TEX15: variants seen among roughly 807,000 people sequenced by gnomAD.
TEX15 encodes testis-expressed protein 15.
Under a neutral mutation model 237.3 loss-of-function variants are expected in TEX15, and 171 were observed. That is an observed-to-expected ratio of 0.72 (90% confidence interval 0.64 to 0.82). The LOEUF is 0.82. TEX15 is among the 40% of genes least tolerant of loss of function. TEX15 has a pLI of 0.00. For missense variants in TEX15, 3,750 were observed against 3,646.5 expected (o/e 1.03, Z -0.73); for synonymous variants, 1,338 against 1,269.8 (o/e 1.05, Z -1.14).
chr8:30,842,780 C>T lies in TEX15; in HGVS notation c.7387G>A (p.Ala2463Thr). The T allele has an allele frequency of 6.2e-7, 1 of 1,613,322 alleles. No homozygotes were observed. The highest frequency in any genetic ancestry group is 8.5e-7 in the Non-Finnish European group (1 of 1,179,618). ...ETIHFLKNSI[A>T]KKLDKQRFRG... ...AACCTCTGTTTGTCTAGTTTCTTTGCTATTGAGTTTTTAAGAAAGTGAATT... is the reference window on the plus strand; with the variant it reads ...AACCTCTGTTTGTCTAGTTTCTTTGTTATTGAGTTTTTAAGAAAGTGAATT... The change falls in exon 8 of 11, where the codon GCA (alanine) becomes ACA (threonine). Residue 2463 changes from alanine (A) to threonine (T), a missense_variant. Physicochemically the swap from Ala to Thr is moderately conservative, Grantham distance 58 (BLOSUM62 0). Coordinates refer to ENST00000643185, the MANE Select transcript of TEX15 (RefSeq NM_001350162.2).
chr8:30,844,539 C>A lies in TEX15; in HGVS notation c.5628G>T (p.Lys1876Asn). 1 of 1,612,334 alleles carries A rather than the reference C, an allele frequency of 6.2e-7. No homozygotes were observed. Among genetic ancestry groups the A allele is most frequent in the East Asian group, 2.2e-5 (1 of 44,846 alleles). Reference protein sequence around the residue: ...STVNTEYKNQKNQISEESCLN... With the variant: ...STVNTEYKNQNNQISEESCLN... ...AGCAGGATTCTTCTGAGATCTGATT[C>A]TTTTGATTTTTGTACTCAGTATTAA... is the stretch of plus-strand genomic sequence containing the variant. The change falls in exon 8 of 11, where the codon AAG (lysine) becomes AAT (asparagine). Residue 1876 changes from lysine to asparagine, a missense_variant. Physicochemically the swap from Lys to Asn is moderately conservative, Grantham distance 94. Coordinates refer to ENST00000643185, the MANE Select transcript of TEX15 (RefSeq NM_001350162.2).
chr8:30,884,870 G>C (rs993642798), intron 3 of TEX15, among the ~76,000 whole-genome samples: 3 of 151,532 alleles, frequency 2.0e-5, no homozygotes, highest in Non-Finnish European at 4.4e-5. Context: ...TGCTTATTTT[G>C]GATTTAATTT....
intron 8 of TEX15, among the ~76,000 whole-genome samples, chr8:30,840,169 A>G (rs1293519837): frequency 1.3e-5 from 2 of 152,094 alleles, no homozygotes; most frequent in Non-Finnish European, 2.9e-5. Context: ...TTTAAAAAAA[A>G]TAAATTTGTA....
chr8:30,863,663 A>G (rs1009213185), intron 5 of TEX15, among the ~76,000 whole-genome samples: 1 of 151,876 alleles, frequency 6.6e-6, no homozygotes, highest in Middle Eastern at 3.4e-3. Context: ...CCTATTTTGC[A>G]GCCAGACATA....
intron 5 of TEX15, among the ~76,000 whole-genome samples, chr8:30,861,566 T>C (rs1808051364): frequency 6.6e-6 from 1 of 152,278 alleles, no homozygotes; most frequent in East Asian, 1.9e-4. Flanking sequence ...ATAAAGTCTG[T>C]AATGTAGTTA....
rs762619352 is a variant in TEX15 at position 30,845,341 on chromosome 8, T to C, written c.4826A>G (p.Asn1609Ser). The change falls in exon 8 of 11, where the codon AAT (asparagine) becomes AGT (serine). Residue 1609 changes from asparagine (N) to serine (S), a missense_variant. Physicochemically the swap from Asn to Ser is conservative, Grantham distance 46. Coordinates refer to ENST00000643185, the MANE Select transcript of TEX15 (RefSeq NM_001350162.2). ...DATKENSCDA[N>S]EVINESNSVS... ...AGAATTACTTTCATTTATTACTTCA[T>C]TAGCGTCACAACTGTTTTCTTTAGT... 3 of 1,612,448 alleles carry C rather than the reference T, an allele frequency of 1.9e-6. No homozygotes were observed. The highest frequency in any genetic ancestry group is 2.5e-6 in the Non-Finnish European group (3 of 1,178,976).
At chr8:30,883,008 C>G (rs932255239) in intron 3 of TEX15, among the ~76,000 whole-genome samples, 11 of 151,984 alleles carry the variant, frequency 7.2e-5, no homozygotes, top group Non-Finnish European at 1.3e-4. Flanking sequence ...TGGGCTCAAA[C>G]AAATCTCCCA....
chr8:30,907,330 C>T (rs1011235031), intron 1 of TEX15, among the ~76,000 whole-genome samples: 6 of 151,820 alleles, frequency 4.0e-5, no homozygotes, highest in South Asian at 2.1e-4. Flanking sequence ...TCAAAATTTG[C>T]GTACAGTTTT....
Position 30,881,610 on chromosome 8 carries a change from C to CTTTTTTTTTTTTTTTTTTTT in TEX15, c.136+5556_136+5557insAAAAAAAAAAAAAAAAAAAA, listed in dbSNP as rs1164594718. On this transcript the variant is annotated intron_variant, in intron 3 of 10. Coordinates refer to ENST00000643185, the MANE Select transcript of TEX15 (RefSeq NM_001350162.2). ...TTCATTAATTATCCTTCCATCTTGACTTTTTATTTTTTTTTATTATTTTTT... is the reference window on the plus strand; with the variant it reads ...TTCATTAATTATCCTTCCATCTTGACTTTTTTTTTTTTTTTTTTTTTTTTTATTTTTTTTTATTATTTTTT... Among the ~76,000 whole-genome samples, 11 of 109,460 alleles carry CTTTTTTTTTTTTTTTTTTTT rather than the reference C, an allele frequency of 1.0e-4. 4 individuals are homozygous for CTTTTTTTTTTTTTTTTTTTT. The highest frequency in any genetic ancestry group is 4.5e-4 in the African/African-American group (7 of 15,420). 71.8% of individuals were successfully genotyped at this position (109,460 alleles called of 152,430 possible).
At chr8:30,850,745 T>G (rs1488657047) in intron 7 of TEX15, among the ~76,000 whole-genome samples, 1 of 152,160 alleles carries the variant, frequency 6.6e-6, no homozygotes, top group Non-Finnish European at 1.5e-5. Context: ...TTTTATAATC[T>G]TGGCATAGGA....
chr8:30,906,252 T>C (rs1219816513), intron 1 of TEX15, among the ~76,000 whole-genome samples: 1 of 152,152 alleles, frequency 6.6e-6, no homozygotes, highest in Non-Finnish European at 1.5e-5. Context: ...GTTATATTAT[T>C]TATTGACCTG....
Position 30,843,666 on chromosome 8 carries a change from T to G in TEX15, c.6501A>C (p.Leu2167Phe). ...KREKNSYYVFLKYKRQVNECE... is the reference protein window; with the variant it reads ...KREKNSYYVFFKYKRQVNECE... ...ATTCATTAACCTGTCGTTTGTACTT[T>G]AAGAATACATAGTATGAATTCTTTT... The change falls in exon 8 of 11, where the codon TTA becomes TTC. Residue 2167 changes from leucine (L) to phenylalanine (F), a missense_variant. By Grantham distance (22) the Leu-to-Phe change is conservative (BLOSUM62 0). Coordinates refer to ENST00000643185, the MANE Select transcript of TEX15 (RefSeq NM_001350162.2). 1 of 1,612,222 alleles carries G rather than the reference T, an allele frequency of 6.2e-7. No individual in the cohort carries two copies. The highest frequency in any genetic ancestry group is 8.5e-7 in the Non-Finnish European group (1 of 1,179,414).
chr8:30,895,477 A>G (rs1166147125), intron 2 of TEX15, among the ~76,000 whole-genome samples: 2 of 151,850 alleles, frequency 1.3e-5, no homozygotes, highest in African/African-American at 4.8e-5. Flanking sequence ...CCATCTATTA[A>G]TAATCCTCTT....
chr8:30,860,061 A>G lies in TEX15; in HGVS notation c.541-4T>C. The G allele has an allele frequency of 7.7e-7, 1 of 1,305,054 alleles. No individual in the cohort carries two copies. Among genetic ancestry groups the G allele is most frequent in the Non-Finnish European group, 9.9e-7 (1 of 1,005,230 alleles). The allele number at this position is 1,305,054 out of a possible 1,614,324, so 80.8% of individuals were successfully genotyped here. A position where few individuals can be genotyped will look rare whatever the true frequency, so the allele number is the denominator to read the frequency against. On this transcript the variant is annotated splice_region_variant and splice_polypyrimidine_tract_variant and intron_variant, in intron 5 of 10. Transcript: ENST00000643185. ...TCTTCACTTTTCCAAAGAGAACCTA[A>G]AAAAAAAAAAGCCAAAAAAAAAGTA...
rs1807565990 is a variant in TEX15, at chr8:30,845,092, T to C, written c.5075A>G (p.Lys1692Arg). Residue 1692 changes from lysine to arginine, a missense_variant, in exon 8 of 11, where the codon AAA becomes AGA. Lys to Arg is a conservative substitution (Grantham distance 26). Transcript: ENST00000643185. ...VKWTDPIERP[K>R]QNIITGNFLM... Reference sequence around the variant, plus strand: ...GAAGTTTCCTGTAATAATGTTTTGTTTGGGTCTCTCAATAGGATCTGTCCA... The same window carrying C: ...GAAGTTTCCTGTAATAATGTTTTGTCTGGGTCTCTCAATAGGATCTGTCCA... The C allele has an allele frequency of 1.9e-6, 3 of 1,613,596 alleles. No individual in the cohort carries two copies. The highest frequency in any genetic ancestry group is 2.5e-6 in the Non-Finnish European group (3 of 1,179,546).
In TEX15 at chr8:30,844,694, C is replaced by T. The variant is rs1466072670; in HGVS notation, c.5473G>A (p.Val1825Ile). The part of the protein sequence containing the change: ...SDSSLLLKDN[V>I]KGSSSETCIV... ...CATGTTTCTGAAGAGGAGCCTTTTACATTATCTTTTAAAAGCAGAGAACTA... is the reference window on the plus strand; with the variant it reads ...CATGTTTCTGAAGAGGAGCCTTTTATATTATCTTTTAAAAGCAGAGAACTA... The change falls in exon 8 of 11, where the codon GTA becomes ATA. Residue 1825 changes from valine (V) to isoleucine (I), a missense_variant. By Grantham distance (29) the Val-to-Ile change is conservative (BLOSUM62 3). Coordinates refer to ENST00000643185, the MANE Select transcript of TEX15 (RefSeq NM_001350162.2). 1.9e-6 allele frequency: 3 copies of T among 1,613,224 alleles called. No individual in the cohort carries two copies. Among genetic ancestry groups the T allele is most frequent in the Non-Finnish European group, 2.5e-6 (3 of 1,179,580 alleles).
intron 8 of TEX15, among the ~76,000 whole-genome samples, chr8:30,840,663 G>A (rs1563230159): frequency 6.6e-6 from 1 of 152,088 alleles, no homozygotes; most frequent in Non-Finnish European, 1.5e-5. Context: ...ACTGTAAGTA[G>A]TATTGTATAC....
Position 30,832,664 on chromosome 8 carries a change from A to G in TEX15, c.*622T>C, listed in dbSNP as rs1373860625. On this transcript the variant is annotated 3_prime_UTR_variant, in exon 11 of 11. Coordinates refer to ENST00000643185, the MANE Select transcript of TEX15 (RefSeq NM_001350162.2). ...ATTTAAATTGTGAAATCCAAAAACA[A>G]AATAATCTTCTGGAAATGGCTCTTG... The G allele has an allele frequency of 6.6e-6, 1 of 152,102 alleles. No individual in the cohort carries two copies. The highest frequency in any genetic ancestry group is 1.5e-5 in the Non-Finnish European group (1 of 68,014). The allele number at this position is 152,102 out of a possible 1,614,324, so 9.4% of individuals were successfully genotyped here.
In TEX15 at chr8:30,846,257, G is replaced by A; in HGVS notation, c.3910C>T (p.Leu1304=). The A allele has an allele frequency of 6.2e-7, 1 of 1,613,350 alleles. No homozygotes were observed. The highest frequency in any genetic ancestry group is 8.5e-7 in the Non-Finnish European group (1 of 1,179,624). Residue 1304 remains leucine, a synonymous_variant, in exon 8 of 11, where the codon CTA becomes TTA. Transcript: ENST00000643185. ...TTCTGATCCCTGGAAGATATATGTAGCTTCCTTTTGCTAATTCTTGATTCT... is the reference window on the plus strand; with the variant it reads ...TTCTGATCCCTGGAAGATATATGTAACTTCCTTTTGCTAATTCTTGATTCT... ...EVESRISKRK[L]HISSRDQNIP... is the part of the protein sequence containing the mutation.
Sources: allele counts gnomAD v4.1 joint callset (sites outside exome capture counted in the v4.1 genomes callset), GRCh38; gene constraint gnomAD v4.1.1; transcripts MANE v1.5; gene names NCBI Gene and HGNC (gene_info 2026-07-23, HGNC 2026-07-21).